The following RBFOX1 variants were observed in gnomAD, a reference collection of about 807,000 sequenced individuals.
RBFOX1 encodes the protein RNA binding fox-1 homolog 1.
In RBFOX1, 8 loss-of-function variants were observed where a neutral mutation model predicts 57.7. The observed-to-expected ratio is 0.14, with a 90% CI of 0.08 to 0.25. The LOEUF is 0.25. RBFOX1 is among the 10% of genes least tolerant of loss of function. The pLI is 1.00. For missense variants in RBFOX1, 611 were observed against 548.5 expected, an observed-to-expected ratio of 1.11 and a Z score of -1.14; for synonymous variants, 326 against 222.4, an observed-to-expected ratio of 1.47 and a Z score of -4.15.
chr16:5,678,346 C>G (rs1478553107), intron 3 of RBFOX1, among the ~76,000 whole-genome samples: 1 of 152,202 alleles, frequency 6.6e-6, no homozygotes, highest in Non-Finnish European at 1.5e-5. Context: ...GCCTCTGTTG[C>G]AATTTGTTGA....
chr16:7,431,879 C>A (rs1190937483), intron 4 of RBFOX1, among the ~76,000 whole-genome samples: 1 of 152,196 alleles, frequency 6.6e-6, no homozygotes, highest in East Asian at 1.9e-4. Flanking sequence ...TTAGAAAGAC[C>A]TTTCCCCCAC....
chr16:6,226,850 C>A (rs1336851542), intron 1 of RBFOX1, among the ~76,000 whole-genome samples: 1 of 151,536 alleles, frequency 6.6e-6, no homozygotes, highest in Non-Finnish European at 1.5e-5. Flanking sequence ...TGCCACACAC[C>A]TGTAATCTCA....
chr16:7,045,256 A>G (rs2047511537), intron 3 of RBFOX1, among the ~76,000 whole-genome samples: 1 of 152,170 alleles, frequency 6.6e-6, no homozygotes, highest in African/African-American at 2.4e-5. Flanking sequence ...CTAATAATTT[A>G]TGAAATGGAA....
At chr16:7,212,991 A>C (rs541465135) in intron 4 of RBFOX1, among the ~76,000 whole-genome samples, 2 of 152,294 alleles carry the variant, frequency 1.3e-5, no homozygotes, top group African/African-American at 4.8e-5. Context: ...TGATCCTTCC[A>C]GTCATCTTGT....
chr16:7,085,948 G>T (rs373461231), intron 4 of RBFOX1, among the ~76,000 whole-genome samples: 3 of 152,160 alleles, frequency 2.0e-5, no homozygotes, highest in African/African-American at 7.2e-5. Flanking sequence ...GCTCTAAAAT[G>T]TACTAAGCAG....
At chr16:6,518,514 G>A (rs1450557730) in intron 2 of RBFOX1, among the ~76,000 whole-genome samples, 1 of 152,030 alleles carries the variant, frequency 6.6e-6, no homozygotes, top group Non-Finnish European at 1.5e-5. Flanking sequence ...GTTTTCTCTG[G>A]GTCATGTAGA....
At chr16:5,385,946 ACC>A (rs2066244075) in intron 1 of RBFOX1, among the ~76,000 whole-genome samples, 2 of 151,456 alleles carry the variant, frequency 1.3e-5, no homozygotes, top group Admixed American at 6.6e-5. Context: ...AAAATGCTGA[ACC>A]ATATTTTTTT....
At chr16:6,858,274 T>C (rs2142336740) in intron 3 of RBFOX1, among the ~76,000 whole-genome samples, 1 of 152,334 alleles carries the variant, frequency 6.6e-6, no homozygotes, top group Admixed American at 6.5e-5. Flanking sequence ...TAGGGAATGT[T>C]TCAGAGGTCT....
chr16:7,099,608 G>C (rs1025836680), intron 4 of RBFOX1, among the ~76,000 whole-genome samples: 1 of 152,122 alleles, frequency 6.6e-6, no homozygotes, highest in Non-Finnish European at 1.5e-5. Flanking sequence ...AGGTCCTGAG[G>C]ACACGTGCCC....
intron 3 of RBFOX1, among the ~76,000 whole-genome samples, chr16:5,623,904 G>A (rs1229401933): frequency 6.6e-6 from 1 of 152,090 alleles, no homozygotes; most frequent in African/African-American, 2.4e-5. Flanking sequence ...ACGATTCAGT[G>A]GTTTTTTATT....
chr16:7,711,090 G>A lies in RBFOX1; in HGVS notation c.*345G>A, dbSNP rs112138749. The stretch of plus-strand genomic sequence containing the variant: ...ATGAATTATATATGCTGAATATTAA[G>A]CTACTGGGGTTATCAGCTATTTGGG... On this transcript the variant is annotated 3_prime_UTR_variant, in exon 16 of 16. Transcript: ENST00000550418. The A allele has an allele frequency of 0.021, 3,740 of 176,862 alleles. 137 individuals are homozygous for A. Among genetic ancestry groups the A allele is most frequent in the African/African-American group, 0.078 (3,339 of 42,600 alleles). 11.0% of individuals were successfully genotyped at this position (176,862 alleles called of 1,614,324 possible). A position where few individuals can be genotyped will look rare whatever the true frequency, so the allele number is the denominator to read the frequency against.
At chr16:5,619,288 A>G (rs1168456984) in intron 3 of RBFOX1, among the ~76,000 whole-genome samples, 1 of 152,124 alleles carries the variant, frequency 6.6e-6, no homozygotes, top group Admixed American at 6.5e-5. Context: ...TGCAAACATC[A>G]TTATGGAACT....
chr16:6,903,669 A>G (rs561557910), intron 3 of RBFOX1, among the ~76,000 whole-genome samples: 1 of 152,218 alleles, frequency 6.6e-6, no homozygotes, highest in Admixed American at 6.5e-5. Context: ...CTCTTTACCT[A>G]AAAAGAGATG....
At chr16:6,020,901 C>T (rs1049559802) in intron 1 of RBFOX1, among the ~76,000 whole-genome samples, 3 of 152,150 alleles carry the variant, frequency 2.0e-5, no homozygotes, top group African/African-American at 7.2e-5. Flanking sequence ...GGGAAGACCC[C>T]GATCTAACCT....
chr16:5,756,922 T>C (rs568187108), intron 3 of RBFOX1, among the ~76,000 whole-genome samples: 62 of 152,334 alleles, frequency 4.1e-4, no homozygotes, highest in African/African-American at 1.5e-3. Flanking sequence ...CAAGATGATG[T>C]AAAGGATAAA....
At chr16:7,293,722 A>G (rs1329273062) in intron 4 of RBFOX1, among the ~76,000 whole-genome samples, 2 of 152,136 alleles carry the variant, frequency 1.3e-5, no homozygotes, top group African/African-American at 4.8e-5. Flanking sequence ...TTTCTACCCA[A>G]TACCCGATAC....
chr16:6,752,018 C>A (rs2075021473), intron 3 of RBFOX1, among the ~76,000 whole-genome samples: 1 of 152,118 alleles, frequency 6.6e-6, no homozygotes, highest in African/African-American at 2.4e-5. Context: ...ATAGGTGACT[C>A]AGTAACAAGT....
intron 1 of RBFOX1, among the ~76,000 whole-genome samples, chr16:5,272,131 G>T (rs901109806): frequency 1.3e-5 from 2 of 152,056 alleles, no homozygotes; most frequent in Admixed American, 1.3e-4. Flanking sequence ...TTGGGTTGCT[G>T]GATTATATGC....
chr16:7,265,737 C>T (rs1311565936), intron 4 of RBFOX1, among the ~76,000 whole-genome samples: 1 of 152,136 alleles, frequency 6.6e-6, no homozygotes, highest in Non-Finnish European at 1.5e-5. Flanking sequence ...GCGTGAGCCA[C>T]CATGCCTGGC....
Sources: allele counts gnomAD v4.1 joint callset (sites outside exome capture counted in the v4.1 genomes callset), GRCh38; gene constraint gnomAD v4.1.1; transcripts MANE v1.5; gene names NCBI Gene and HGNC (gene_info 2026-07-23, HGNC 2026-07-21).